Variants in ATP8A2 observed in about 807,000 individuals in gnomAD.
ATP8A2 encodes phospholipid-transporting ATPase IB.
A neutral mutation model predicts 165.6 loss-of-function variants in ATP8A2; 100 were observed. The ratio of observed to expected loss-of-function variants is 0.60; its 90% CI spans 0.51 to 0.71. The LOEUF (loss-of-function observed/expected upper bound fraction) is 0.71, where lower values mean the gene tolerates loss of function less well. ATP8A2 is among the 30% of genes least tolerant of loss of function. The probability of loss-of-function intolerance (pLI) is 0.00; values close to 1 mark genes in which losing one functional copy is unlikely to be tolerated. For missense variants in ATP8A2, 1,227 were observed against 1,479.5 expected (o/e 0.83, Z 2.80); for synonymous variants, 543 against 548.8 (o/e 0.99, Z 0.15).
intron 24 of ATP8A2, among the ~76,000 whole-genome samples, chr13:25,617,983 C>A (rs1278970408): frequency 6.6e-6 from 1 of 152,036 alleles, no homozygotes; most frequent in Admixed American, 6.6e-5. Flanking sequence ...TGGCTAGTTA[C>A]CCGTAGTGTA....
chr13:25,785,433 C>T (rs889287022), intron 27 of ATP8A2, among the ~76,000 whole-genome samples: 1 of 152,076 alleles, frequency 6.6e-6, no homozygotes, highest in Non-Finnish European at 1.5e-5. Context: ...AATAGAACTT[C>T]TATTTTGGCT....
At chr13:25,513,392 G>T (rs2037340224) in intron 2 of ATP8A2, among the ~76,000 whole-genome samples, 1 of 149,638 alleles carries the variant, frequency 6.7e-6, no homozygotes. Context: ...TCACTTCCTA[G>T]ATGGGATGGC....
chr13:25,551,281 A>AGGG, intron 10 of ATP8A2, 57 bp from the exon 11 acceptor site: 1 of 1,527,070 alleles, frequency 6.5e-7, no homozygotes, highest in South Asian at 1.2e-5. Context: ...CTTTCCCCCA[A>AGGG]CCCCTTGCCC....
intron 25 of ATP8A2, among the ~76,000 whole-genome samples, chr13:25,747,548 A>G (rs779306730): frequency 6.6e-6 from 1 of 152,022 alleles, no homozygotes; most frequent in Admixed American, 6.6e-5. Context: ...TGGAGGAGGT[A>G]AGCTCAGTCA....
At chr13:25,773,933 G>A (rs911023279) in intron 26 of ATP8A2, among the ~76,000 whole-genome samples, 1 of 152,124 alleles carries the variant, frequency 6.6e-6, no homozygotes, top group Non-Finnish European at 1.5e-5. Flanking sequence ...CTACGCAGTT[G>A]TTAGTGGAAG....
At chr13:25,621,566 T>C (rs1445051941) in intron 24 of ATP8A2, among the ~76,000 whole-genome samples, 2 of 152,166 alleles carry the variant, frequency 1.3e-5, no homozygotes, top group African/African-American at 4.8e-5. Context: ...AATGAGCTCA[T>C]TTTTCTTCAC....
intron 25 of ATP8A2, chr13:25,705,253 T>G: frequency 2.8e-6 from 1 of 355,388 alleles, no homozygotes; most frequent in Non-Finnish European, 5.4e-6. Context: ...CAGAAATCTT[T>G]AAAGTGACTG....
At chr13:25,877,408 G>A (rs1952845472) in intron 33 of ATP8A2, among the ~76,000 whole-genome samples, 1 of 152,168 alleles carries the variant, frequency 6.6e-6, no homozygotes, top group African/African-American at 2.4e-5. Context: ...TCCAATCATG[G>A]AACATCTGAC....
chr13:25,950,882 G>A (rs535770382), intron 33 of ATP8A2: 2 of 152,292 alleles, frequency 1.3e-5, no homozygotes, highest in South Asian at 4.1e-4. Flanking sequence ...AGTTGCTTCG[G>A]TCCTGAATAG....
intron 25 of ATP8A2, among the ~76,000 whole-genome samples, chr13:25,729,638 AAGTC>A (rs1283282848): frequency 6.6e-6 from 1 of 152,040 alleles, no homozygotes; most frequent in East Asian, 1.9e-4. Context: ...GGTGTGCATG[AAGTC>A]GGTCCTGCCC....
chr13:25,789,415 A>T (rs921442225), intron 27 of ATP8A2, among the ~76,000 whole-genome samples: 3 of 152,230 alleles, frequency 2.0e-5, no homozygotes, highest in African/African-American at 7.2e-5. Flanking sequence ...AATTCATTGT[A>T]CAAAAATCAC....
chr13:25,879,018 G>T (rs544158747), intron 33 of ATP8A2, among the ~76,000 whole-genome samples: 5 of 152,338 alleles, frequency 3.3e-5, no homozygotes, highest in Admixed American at 1.3e-4. Context: ...TTTGCTCCCA[G>T]AGGGCACAAG....
chr13:25,528,708 C>T (rs941367781), intron 2 of ATP8A2, among the ~76,000 whole-genome samples: 7 of 151,930 alleles, frequency 4.6e-5, no homozygotes, highest in African/African-American at 7.3e-5. Flanking sequence ...ATGTGCACAA[C>T]GTGCAGGTTT....
At chr13:25,512,084 A>G in intron 2 of ATP8A2, among the ~76,000 whole-genome samples, 1 of 150,966 alleles carries the variant, frequency 6.6e-6, no homozygotes, top group South Asian at 2.1e-4. Flanking sequence ...AGTGGTGATG[A>G]CTCTTAAGGA....
At chr13:25,414,859 AC>A (rs1417664786) in intron 1 of ATP8A2, among the ~76,000 whole-genome samples, 25 of 151,966 alleles carry the variant, frequency 1.6e-4, no homozygotes, top group Non-Finnish European at 2.9e-5. Flanking sequence ...TTTTGTGCTC[AC>A]CCCATAACCC....
rs17729346 is a variant in ATP8A2 at position 25,570,758 on chromosome 13, C to T, written c.1474-9C>T. ...TGTATCTGACACTAATCCCGCCTCA[C>T]GTTTGCAGCCCACAGCCCCTTGCAT... On this transcript the variant is annotated splice_polypyrimidine_tract_variant and intron_variant, in intron 16 of 36. Transcript: ENST00000381655. 574,088 of 1,608,580 alleles carry T rather than the reference C, an allele frequency of 0.36. 110,649 individuals are homozygous for T. Among genetic ancestry groups the T allele is most frequent in the Non-Finnish European group, 0.4 (470,577 of 1,176,140 alleles).
intron 2 of ATP8A2, among the ~76,000 whole-genome samples, chr13:25,478,447 AAG>A (rs541718656): frequency 3.3e-5 from 5 of 152,212 alleles, no homozygotes; most frequent in Non-Finnish European, 5.9e-5. Flanking sequence ...GACAGAACAA[AAG>A]GAGAGGTCTG....
At chr13:25,869,378 G>A (rs567428833) in intron 33 of ATP8A2, among the ~76,000 whole-genome samples, 60 of 152,278 alleles carry the variant, frequency 3.9e-4, no homozygotes, top group African/African-American at 1.3e-3. Context: ...CAGAACTCCC[G>A]TTATCCTAAT....
At chr13:25,729,159 A>T (rs560838398) in intron 25 of ATP8A2, among the ~76,000 whole-genome samples, 1 of 151,622 alleles carries the variant, frequency 6.6e-6, no homozygotes, top group Non-Finnish European at 1.5e-5. Flanking sequence ...TTGCCTTTAC[A>T]TGGCTATGAC....
Sources: gnomAD v4.1 joint callset for allele counts (sites outside exome capture counted in the v4.1 genomes callset) on GRCh38, gnomAD v4.1.1 for gene constraint, MANE v1.5 for transcripts, NCBI Gene and HGNC (gene_info 2026-07-23, HGNC 2026-07-21) for gene names.